Variants in LRRC7 observed in about 807,000 individuals in gnomAD.
The protein encoded by LRRC7 is leucine rich repeat containing 7.
Under a neutral mutation model 175.7 loss-of-function variants are expected in LRRC7, and 23 were observed. That is an observed-to-expected ratio of 0.13 (90% CI 0.09 to 0.19). The LOEUF (loss-of-function observed/expected upper bound fraction) is 0.19, where lower values mean the gene tolerates loss of function less well. LRRC7 is among the 10% of genes least tolerant of loss of function. The pLI, the probability that LRRC7 is intolerant of heterozygous loss-of-function variation, is 1.00. For synonymous variants in LRRC7, 685 were observed against 680.9 expected (o/e 1.01, Z -0.09); for missense variants, 1,354 against 1,904.7 (o/e 0.71, Z 5.38).
chr1:69,712,917 G>A (rs1037494098), intron 2 of LRRC7, among the ~76,000 whole-genome samples: 1 of 152,066 alleles, frequency 6.6e-6, no homozygotes, highest in African/African-American at 2.4e-5. Context: ...AATAATAACT[G>A]CTGCCTATGT....
chr1:69,747,765 T>C (rs1348564282), intron 2 of LRRC7, among the ~76,000 whole-genome samples: 1 of 152,128 alleles, frequency 6.6e-6, no homozygotes, highest in African/African-American at 2.4e-5. Flanking sequence ...TTTTTTGAAA[T>C]TGTACTTTGA....
At chr1:69,721,930 A>G (rs903975164) in intron 2 of LRRC7, among the ~76,000 whole-genome samples, 9 of 151,900 alleles carry the variant, frequency 5.9e-5, no homozygotes, top group African/African-American at 1.9e-4. Context: ...AAGTACATTC[A>G]CACTGTCATG....
chr1:70,047,047 G>T (rs1660384528), intron 22 of LRRC7, among the ~76,000 whole-genome samples: 1 of 152,084 alleles, frequency 6.6e-6, no homozygotes, highest in Admixed American at 6.6e-5. Context: ...ACTTAAGATA[G>T]TAAAAATTAC....
intron 9 of LRRC7, among the ~76,000 whole-genome samples, chr1:69,984,249 C>G (rs980368338): frequency 3.3e-5 from 5 of 151,988 alleles, no homozygotes; most frequent in Non-Finnish European, 7.4e-5. Context: ...TAACAAGCTC[C>G]CAAGTGGTGT....
chr1:69,983,290 GAGGGAGC>G (rs1485272899), intron 9 of LRRC7, among the ~76,000 whole-genome samples: 5 of 152,250 alleles, frequency 3.3e-5, no homozygotes, highest in Non-Finnish European at 7.3e-5. Context: ...ATGGGAAGCT[GAGGGAGC>G]AGGGCTGGAG....
chr1:69,703,850 T>C (rs1461431646), intron 2 of LRRC7, among the ~76,000 whole-genome samples: 1 of 152,014 alleles, frequency 6.6e-6, no homozygotes, highest in East Asian at 1.9e-4. Context: ...ATAGTGCAGA[T>C]AATAATGTAG....
intron 3 of LRRC7, among the ~76,000 whole-genome samples, chr1:69,787,223 G>A (rs1398391582): frequency 6.6e-6 from 1 of 152,232 alleles, no homozygotes; most frequent in Non-Finnish European, 1.5e-5. Flanking sequence ...TGCACTTGTG[G>A]CCTCGCAGGG....
intron 1 of LRRC7, among the ~76,000 whole-genome samples, chr1:69,632,536 A>C (rs888570103): frequency 7.9e-5 from 12 of 152,070 alleles, no homozygotes; most frequent in African/African-American, 2.9e-4. Context: ...TTTTACATTA[A>C]TTTTCCCTTT....
At chr1:69,626,078 A>G (rs1210839764) in intron 1 of LRRC7, among the ~76,000 whole-genome samples, 1 of 152,186 alleles carries the variant, frequency 6.6e-6, no homozygotes. Context: ...CTTAACTTGT[A>G]TGAGGCTCCA....
chr1:69,870,834 T>TA (rs1260280184), intron 7 of LRRC7, among the ~76,000 whole-genome samples: 14 of 152,158 alleles, frequency 9.2e-5, no homozygotes, highest in African/African-American at 3.4e-4. Context: ...TTCCATTTTT[T>TA]ATTAAGCCTT....
rs1351760802 is a variant in LRRC7, at chr1:69,994,611, A to G, written c.982A>G (p.Met328Val). The G allele has an allele frequency of 6.2e-7, 1 of 1,611,352 alleles. No individual in the cohort carries two copies. The highest frequency in any genetic ancestry group is 8.5e-7 in the Non-Finnish European group (1 of 1,178,506). The change falls in exon 11 of 27, where the codon ATG becomes GTG. Residue 328 changes from methionine to valine, a missense_variant. Physicochemically the swap from Met to Val is conservative, Grantham distance 21. Transcript: ENST00000651989. ...TLKVDDNQLTMLPNTIGNLSL... is the reference protein window; with the variant it reads ...TLKVDDNQLTVLPNTIGNLSL... ...AAAAGTAGATGACAATCAACTTACA[A>G]TGCTACCCAATACAATTGGAAAGTA...
chr1:69,823,386 A>G (rs1679526008), intron 4 of LRRC7, among the ~76,000 whole-genome samples: 1 of 152,136 alleles, frequency 6.6e-6, no homozygotes, highest in African/African-American at 2.4e-5. Flanking sequence ...ATTCTTCTAT[A>G]GTTTTTCTTT....
At chr1:69,685,233 A>G (rs1660992428) in intron 2 of LRRC7, among the ~76,000 whole-genome samples, 1 of 152,194 alleles carries the variant, frequency 6.6e-6, no homozygotes, top group South Asian at 2.1e-4. Context: ...CTATAAGCTA[A>G]ACCTAAACAG....
chr1:69,883,441 A>C (rs1307012574), intron 7 of LRRC7, among the ~76,000 whole-genome samples: 1 of 109,952 alleles, frequency 9.1e-6, no homozygotes. Flanking sequence ...CATGTCCTTC[A>C]CCCACTTTTT....
chr1:70,039,147 T>G lies in LRRC7; in HGVS notation c.3323T>G (p.Leu1108Trp). ...QQASKNIAKD[L>W]ISPRAYRGYP... is the part of the protein sequence containing the mutation. ...GCCAGCAAAAACATCGCCAAGGATTTGATTAGTCCTAGAGCTTACAGAGGA... is the reference window on the plus strand; with the variant it reads ...GCCAGCAAAAACATCGCCAAGGATTGGATTAGTCCTAGAGCTTACAGAGGA... The change falls in exon 21 of 27, where the codon TTG becomes TGG. Residue 1108 changes from leucine (L) to tryptophan (W), a missense_variant. Transcript: ENST00000651989. The G allele has an allele frequency of 6.2e-7, 1 of 1,614,088 alleles. No homozygotes were observed. Among genetic ancestry groups the G allele is most frequent in the Non-Finnish European group, 8.5e-7 (1 of 1,180,002 alleles).
At chr1:69,924,017 A>T (rs931778900) in intron 7 of LRRC7, among the ~76,000 whole-genome samples, 2 of 152,140 alleles carry the variant, frequency 1.3e-5, no homozygotes, top group South Asian at 2.1e-4. Flanking sequence ...AGCTTTCTAC[A>T]TATGGCTAGC....
chr1:69,875,905 T>G (rs1299387126), intron 7 of LRRC7, among the ~76,000 whole-genome samples: 1 of 152,068 alleles, frequency 6.6e-6, no homozygotes, highest in East Asian at 1.9e-4. Flanking sequence ...AAACGACCCC[T>G]TAAGAAGAAG....
At chr1:69,811,953 G>A (rs1290831146) in intron 4 of LRRC7, among the ~76,000 whole-genome samples, 2 of 152,030 alleles carry the variant, frequency 1.3e-5, no homozygotes, top group Non-Finnish European at 2.9e-5. Context: ...CAAAGACTAT[G>A]AACTAAGTTT....
At chr1:69,630,504 T>C (rs1170157825) in intron 1 of LRRC7, among the ~76,000 whole-genome samples, 1 of 152,146 alleles carries the variant, frequency 6.6e-6, no homozygotes, top group East Asian at 1.9e-4. Context: ...TATTTTGTTA[T>C]TAGTAACGAA....
Sources: gnomAD v4.1 joint callset for allele counts (sites outside exome capture counted in the v4.1 genomes callset) on GRCh38, gnomAD v4.1.1 for gene constraint, MANE v1.5 for transcripts, NCBI Gene and HGNC (gene_info 2026-07-23, HGNC 2026-07-21) for gene names.